Variants in CRYBG1 observed in about 807,000 individuals in gnomAD.
CRYBG1 encodes beta/gamma crystallin domain-containing protein 1.
Under a neutral mutation model 189.2 loss-of-function variants are expected in CRYBG1, and 139 were observed. The observed-to-expected ratio is 0.73, with a 90% CI of 0.64 to 0.85. CRYBG1 has a LOEUF of 0.85. Among genes scored for constraint, CRYBG1 ranks in the 40% least tolerant of loss-of-function variants. The pLI, the probability that CRYBG1 is intolerant of heterozygous loss-of-function variation, is 0.00. For synonymous variants in CRYBG1, 1,023 were observed against 1,017.1 expected (o/e 1.01, Z -0.11); for missense variants, 2,611 against 2,675.8 (o/e 0.98, Z 0.53).
chr6:106,565,001 C>G, intron 21 of CRYBG1, among the ~76,000 whole-genome samples: 1 of 151,940 alleles, frequency 6.6e-6, no homozygotes, highest in Non-Finnish European at 1.5e-5. Context: ...GGATTTAGGC[C>G]AATGCTGTCA....
At chr6:106,478,436 G>A (rs1382812702) in intron 2 of CRYBG1, among the ~76,000 whole-genome samples, 1 of 152,140 alleles carries the variant, frequency 6.6e-6, no homozygotes, top group African/African-American at 2.4e-5. Context: ...TTGTCATGTG[G>A]GACAATGCCT....
intron 1 of CRYBG1, among the ~76,000 whole-genome samples, chr6:106,430,263 C>A (rs758884337): frequency 1.2e-4 from 19 of 152,102 alleles, no homozygotes; most frequent in Non-Finnish European, 2.8e-4. Flanking sequence ...AAACCCCCAT[C>A]TCTACAAAAA....
chr6:106,433,399 C>T (rs576484937), intron 1 of CRYBG1, among the ~76,000 whole-genome samples: 1 of 152,212 alleles, frequency 6.6e-6, no homozygotes, highest in South Asian at 2.1e-4. Context: ...TTTCCCTATG[C>T]TTTGGGATCT....
At position 106,541,145 on chromosome 6, in the gene CRYBG1, C is replaced by T. The variant is rs532877088; in HGVS notation, c.4846-441C>T. ...AAATACAAATGGCTGAGAGTTAAAC[C>T]GAAGGGAATGGTAGAGACGGCAACC... On this transcript the variant is annotated intron_variant, in intron 9 of 21. Coordinates refer to ENST00000633556, the MANE Select transcript of CRYBG1 (RefSeq NM_001371242.2). 11 of 417,306 alleles carry T rather than the reference C, an allele frequency of 2.6e-5. No individual in the cohort carries two copies. In the East Asian group the frequency reaches 4.4e-4, roughly 17 times the overall value. 25.9% of individuals were successfully genotyped at this position (417,306 alleles called of 1,614,324 possible).
Position 106,551,904 on chromosome 6 carries a change from A to G in CRYBG1, c.5365A>G (p.Lys1789Glu). Residue 1789 changes from lysine to glutamate, a missense_variant, in exon 14 of 22, where the codon AAA (lysine) becomes GAA (glutamate). Lys to Glu is a moderately conservative substitution (Grantham distance 56). Transcript: ENST00000633556. ...DFTGEQYILD[K>E]GFYTSFEDWG... is the part of the protein sequence containing the mutation. ...CACAGGAGAACAGTATATACTGGAT[A>G]AAGGATTTTATACCAGTTTTGAGGA... 6.2e-7 allele frequency: 1 copy of G among 1,611,016 alleles called. No individual in the cohort carries two copies. The highest frequency in any genetic ancestry group is 8.5e-7 in the Non-Finnish European group (1 of 1,177,402).
intron 3 of CRYBG1, among the ~76,000 whole-genome samples, chr6:106,515,765 ATTTATT>A: frequency 8.0e-6 from 1 of 125,706 alleles, no homozygotes; most frequent in Non-Finnish European, 1.7e-5. Flanking sequence ...AAATTTATTT[ATTTATT>A]TATTTATTTA....
At position 106,519,851 on chromosome 6, in the gene CRYBG1, T is replaced by A. The variant is rs997002204; in HGVS notation, c.2643T>A (p.Pro881=). 2 of 1,614,208 alleles carry A rather than the reference T, an allele frequency of 1.2e-6. No individual in the cohort carries two copies. The highest frequency in any genetic ancestry group is 4.5e-5 in the East Asian group (2 of 44,890). The change falls in exon 4 of 22, where the codon CCT becomes CCA. Residue 881 remains proline, a synonymous_variant. Transcript: ENST00000633556. The stretch of plus-strand genomic sequence containing the variant: ...CTCTTTCACTGTCTGCACCCGCTCC[T>A]GGGGATGTTCCCAAAGACACATGTG... ...GPSLSLSAPA[P]GDVPKDTCVQ...
chr6:106,552,582 C>CAAAA (rs58470981), intron 15 of CRYBG1, among the ~76,000 whole-genome samples: 43 of 67,644 alleles, frequency 6.4e-4, no homozygotes, highest in Non-Finnish European at 8.6e-4. Flanking sequence ...GACTCTGTCT[C>CAAAA]AAAAAAAAAA....
intron 2 of CRYBG1, among the ~76,000 whole-genome samples, chr6:106,492,393 A>G (rs896565310): frequency 1.3e-5 from 2 of 152,210 alleles, no homozygotes; most frequent in African/African-American, 4.8e-5. Flanking sequence ...TACCAAACAA[A>G]TGTTTATAAT....
chr6:106,508,234 C>A (rs532256552), intron 2 of CRYBG1, among the ~76,000 whole-genome samples: 1 of 152,190 alleles, frequency 6.6e-6, no homozygotes, highest in East Asian at 1.9e-4. Flanking sequence ...TACAGTGAGA[C>A]CCTGTGAAAT....
rs1774957842 is a variant in CRYBG1, at chr6:106,568,482, G to A, written c.6312G>A (p.Gln2104=). The change falls in exon 22 of 22, where the codon CAG becomes CAA. Residue 2104 remains glutamine, a synonymous_variant. Transcript: ENST00000633556. ...NLVLDIKGGT[Q]YDQNHIILNT... is the part of the protein sequence containing the mutation. ...TTTCCTTTCTTTTAGGGGGCACACAGTATGATCAAAATCACATTATCCTCA... is the reference window on the plus strand; with the variant it reads ...TTTCCTTTCTTTTAGGGGGCACACAATATGATCAAAATCACATTATCCTCA... The A allele has an allele frequency of 6.2e-7, 1 of 1,613,426 alleles. No homozygotes were observed. The highest frequency in any genetic ancestry group is 8.5e-7 in the Non-Finnish European group (1 of 1,179,294).
intron 1 of CRYBG1, among the ~76,000 whole-genome samples, chr6:106,397,523 C>T (rs77356259): frequency 0.02 from 3,059 of 152,246 alleles, 107 homozygotes; most frequent in African/African-American, 0.069. Context: ...TTTTAAGGAG[C>T]TTGGTTCAGT....
At chr6:106,556,283 T>C (rs1366300118) in intron 17 of CRYBG1, among the ~76,000 whole-genome samples, 2 of 152,234 alleles carry the variant, frequency 1.3e-5, no homozygotes, top group African/African-American at 4.8e-5. Context: ...ATTCTAATTT[T>C]TGTCAACTTG....
chr6:106,530,104 A>C, intron 7 of CRYBG1, 72 bp from the exon 8 acceptor site: 2 of 1,334,534 alleles, frequency 1.5e-6, no homozygotes, highest in Non-Finnish European at 1.0e-6. Context: ...TGTAAGAAGA[A>C]GAAGAATGAG....
intron 16 of CRYBG1, 79 bp from the exon 17 acceptor site, chr6:106,555,689 A>G (rs1774519742): frequency 6.6e-7 from 1 of 1,509,132 alleles, no homozygotes; most frequent in Admixed American, 2.0e-5. Context: ...ATAGCAGGCC[A>G]CCTCTAAAAA....
At chr6:106,524,799 A>C (rs1163456706) in intron 4 of CRYBG1, among the ~76,000 whole-genome samples, 1 of 152,122 alleles carries the variant, frequency 6.6e-6, no homozygotes, top group Non-Finnish European at 1.5e-5. Flanking sequence ...GATGATACTG[A>C]TATTATTTGA....
At chr6:106,377,444 G>A (rs967464850) in intron 1 of CRYBG1, among the ~76,000 whole-genome samples, 6 of 151,978 alleles carry the variant, frequency 3.9e-5, no homozygotes, top group African/African-American at 1.2e-4. Flanking sequence ...ATGCCAAAGC[G>A]GTCATCAGAC....
At chr6:106,362,569 G>T (rs998706703) in intron 1 of CRYBG1, among the ~76,000 whole-genome samples, 1 of 152,206 alleles carries the variant, frequency 6.6e-6, no homozygotes, top group Admixed American at 6.5e-5. Flanking sequence ...CCAGCACTTA[G>T]AAGAGCGTGG....
intron 17 of CRYBG1, among the ~76,000 whole-genome samples, chr6:106,556,319 C>T (rs1196829310): frequency 6.6e-6 from 1 of 152,124 alleles, no homozygotes; most frequent in Non-Finnish European, 1.5e-5. Context: ...AGCAGTATGT[C>T]GTCATTGGGT....
Sources: gnomAD v4.1 joint callset for allele counts (sites outside exome capture counted in the v4.1 genomes callset) on GRCh38, gnomAD v4.1.1 for gene constraint, MANE v1.5 for transcripts, NCBI Gene and HGNC (gene_info 2026-07-23, HGNC 2026-07-21) for gene names.